Variants in RPS6KC1 observed in about 807,000 individuals in gnomAD.
RPS6KC1 encodes inactive ribosomal protein S6 kinase delta-1.
A neutral mutation model predicts 103.8 loss-of-function variants in RPS6KC1; 54 were observed. The observed-to-expected ratio is 0.52, with a 90% CI of 0.42 to 0.65. The LOEUF (loss-of-function observed/expected upper bound fraction) is 0.65, where lower values mean the gene tolerates loss of function less well. RPS6KC1 is among the 30% of genes least tolerant of loss of function. RPS6KC1 has a pLI of 0.00. For missense variants in RPS6KC1, 1,151 were observed against 1,253.8 expected (o/e 0.92, Z 1.24); for synonymous variants, 439 against 438.7 (o/e 1.00, Z -0.01).
chr1:213,541,428 C>T, the RPS6KC1 span, among the ~76,000 whole-genome samples: 1 of 151,918 alleles, frequency 6.6e-6, no homozygotes, highest in Non-Finnish European at 1.5e-5. Flanking sequence ...GGCACCAATA[C>T]ACTTGCCCAA....
At position 213,124,999 on chromosome 1, in the gene RPS6KC1, A is replaced by G. The variant is rs142394194; in HGVS notation, c.473-4528A>G. Among the ~76,000 whole-genome samples the G allele has an allele frequency of 1.1e-4, 16 of 152,258 alleles. No individual in the cohort carries two copies. The East Asian group carries it at 2.9e-3, about 28-fold the overall frequency. On this transcript the variant is annotated intron_variant, in intron 5 of 14. Coordinates refer to ENST00000366960, the MANE Select transcript of RPS6KC1 (RefSeq NM_012424.6). ...CTTGACGCTAGCTGCTGGTTGATCC[A>G]TAGAGGTTTATATTTCACAAATGAT... is the stretch of plus-strand genomic sequence containing the variant.
the RPS6KC1 span, among the ~76,000 whole-genome samples, chr1:213,757,063 G>C: frequency 6.6e-6 from 1 of 152,142 alleles, no homozygotes; most frequent in Non-Finnish European, 1.5e-5. Context: ...CCAAATGGTT[G>C]TTCCACCATC....
At chr1:213,344,381 T>A in the RPS6KC1 span, among the ~76,000 whole-genome samples, 3 of 152,214 alleles carry the variant, frequency 2.0e-5, no homozygotes, top group Admixed American at 6.5e-5. Flanking sequence ...AAGAAGAGAA[T>A]TTGGAAATAT....
At chr1:213,233,253 G>A (rs192758043) in intron 10 of RPS6KC1, among the ~76,000 whole-genome samples, 1 of 152,058 alleles carries the variant, frequency 6.6e-6, no homozygotes, top group African/African-American at 2.4e-5. Flanking sequence ...ATTCAAAAGG[G>A]GCTCTGTGGT....
chr1:213,748,244 G>A, the RPS6KC1 span, among the ~76,000 whole-genome samples: 1 of 152,148 alleles, frequency 6.6e-6, no homozygotes. Flanking sequence ...TACCTGAGAG[G>A]GGACTTCCAG....
At chr1:213,613,110 A>G in the RPS6KC1 span, among the ~76,000 whole-genome samples, 1 of 152,226 alleles carries the variant, frequency 6.6e-6, no homozygotes, top group East Asian at 1.9e-4. Context: ...TTTGCTGGGT[A>G]GAATTCATTA....
chr1:213,197,960 G>C (rs1295307181), intron 8 of RPS6KC1, among the ~76,000 whole-genome samples: 1 of 152,034 alleles, frequency 6.6e-6, no homozygotes, highest in Non-Finnish European at 1.5e-5. Flanking sequence ...TGTTAGTATT[G>C]AGATATGAGG....
At chr1:213,269,445 C>T (rs1209443105) in intron 14 of RPS6KC1, among the ~76,000 whole-genome samples, 2 of 152,152 alleles carry the variant, frequency 1.3e-5, no homozygotes, top group Non-Finnish European at 2.9e-5. Context: ...ATGTATAGAA[C>T]ACTTCACCCA....
chr1:213,051,767 A>G (rs1156935979), intron 1 of RPS6KC1, among the ~76,000 whole-genome samples: 1 of 152,102 alleles, frequency 6.6e-6, no homozygotes, highest in African/African-American at 2.4e-5. Context: ...TGATGGTTTT[A>G]AATTGATGAC....
At chr1:213,568,557 G>C in the RPS6KC1 span, among the ~76,000 whole-genome samples, 1 of 152,198 alleles carries the variant, frequency 6.6e-6, no homozygotes, top group South Asian at 2.1e-4. Context: ...AGACCAACAG[G>C]TAAGGGAACT....
At chr1:213,144,003 A>G (rs1165665826) in intron 6 of RPS6KC1, among the ~76,000 whole-genome samples, 2 of 152,088 alleles carry the variant, frequency 1.3e-5, no homozygotes, top group South Asian at 4.1e-4. Context: ...ATCCTCAGCC[A>G]GGAAAGGTTA....
the RPS6KC1 span, among the ~76,000 whole-genome samples, chr1:213,592,191 G>T: frequency 6.6e-6 from 1 of 152,108 alleles, no homozygotes; most frequent in South Asian, 2.1e-4. Context: ...TTGAGTTACT[G>T]GGTGGAAGGA....
At chr1:213,694,839 T>C in the RPS6KC1 span, among the ~76,000 whole-genome samples, 1 of 152,162 alleles carries the variant, frequency 6.6e-6, no homozygotes, top group African/African-American at 2.4e-5. Flanking sequence ...TCAACAAGCA[T>C]TTGTTGAACA....
intron 2 of RPS6KC1, among the ~76,000 whole-genome samples, chr1:213,073,839 C>A (rs1558262903): frequency 6.6e-6 from 1 of 152,000 alleles, no homozygotes; most frequent in South Asian, 2.1e-4. Context: ...CCACACCTGG[C>A]TGATTTTTGT....
At chr1:213,196,558 A>C (rs931474298) in intron 8 of RPS6KC1, among the ~76,000 whole-genome samples, 1 of 152,142 alleles carries the variant, frequency 6.6e-6, no homozygotes, top group African/African-American at 2.4e-5. Flanking sequence ...TCTTTGCCTA[A>C]GCTAATGTCT....
the RPS6KC1 span, among the ~76,000 whole-genome samples, chr1:213,702,840 A>C: frequency 3.1e-5 from 3 of 95,454 alleles, no homozygotes; most frequent in Non-Finnish European, 6.2e-5. Flanking sequence ...GCAACAGATC[A>C]TTGAGGTTTT....
chr1:213,583,311 T>TAA, the RPS6KC1 span, among the ~76,000 whole-genome samples: 1 of 152,226 alleles, frequency 6.6e-6, no homozygotes, highest in Admixed American at 6.5e-5. Flanking sequence ...TAAGTGTTTG[T>TAA]TTAGTTTTAT....
At chr1:213,259,484 GC>G (rs2094728671) in intron 12 of RPS6KC1, among the ~76,000 whole-genome samples, 1 of 152,082 alleles carries the variant, frequency 6.6e-6, no homozygotes, top group South Asian at 2.1e-4. Flanking sequence ...AATTGCTTCA[GC>G]CCCAGAGGTG....
At chr1:213,573,072 A>G in the RPS6KC1 span, among the ~76,000 whole-genome samples, 3 of 152,186 alleles carry the variant, frequency 2.0e-5, no homozygotes, top group South Asian at 2.1e-4. Context: ...AAGAACTTCT[A>G]TGTCAGAATA....
Sources: gnomAD v4.1 joint callset for allele counts (sites outside exome capture counted in the v4.1 genomes callset) on GRCh38, gnomAD v4.1.1 for gene constraint, MANE v1.5 for transcripts, NCBI Gene and HGNC (gene_info 2026-07-23, HGNC 2026-07-21) for gene names.